The following SEMA6A variants were observed in gnomAD, a reference collection of about 807,000 sequenced individuals.
SEMA6A encodes semaphorin 6A, also known as semaphorin-6A.
Under a neutral mutation model 96.8 loss-of-function variants are expected in SEMA6A, and 25 were observed. The ratio of observed to expected loss-of-function variants is 0.26; its 90% confidence interval spans 0.19 to 0.36. The LOEUF (loss-of-function observed/expected upper bound fraction) is 0.36. Among genes scored for constraint, SEMA6A ranks in the 10% least tolerant of loss-of-function variants. SEMA6A has a pLI of 1.00. For synonymous variants in SEMA6A, 612 were observed against 518.0 expected, an observed-to-expected ratio of 1.18 and a Z score of -2.46; for missense variants, 1,363 against 1,323.1, an observed-to-expected ratio of 1.03 and a Z score of -0.47.
intron 17 of SEMA6A, chr5:116,469,576 G>A (rs1398289234): frequency 6.6e-6 from 1 of 152,130 alleles, no homozygotes; most frequent in African/African-American, 2.4e-5. Context: ...AGAAAGTGGG[G>A]AAGAATAAAA....
chr5:116,474,696 A>G (rs548166405), intron 16 of SEMA6A, among the ~76,000 whole-genome samples: 1 of 152,334 alleles, frequency 6.6e-6, no homozygotes, highest in East Asian at 1.9e-4. Flanking sequence ...GACTTCCGTT[A>G]TAGAATCAAA....
At chr5:116,498,705 G>C (rs952660702) in intron 3 of SEMA6A, 2 of 152,130 alleles carry the variant, frequency 1.3e-5, no homozygotes, top group African/African-American at 2.4e-5. Flanking sequence ...TAATTTCAAG[G>C]CAGTTTTATT....
chr5:116,544,548 C>G (rs1198305331), intron 1 of SEMA6A, among the ~76,000 whole-genome samples: 2 of 152,070 alleles, frequency 1.3e-5, no homozygotes, highest in African/African-American at 4.8e-5. Context: ...ATCCTCCCGT[C>G]TCAGCTTACC....
intron 1 of SEMA6A, among the ~76,000 whole-genome samples, chr5:116,535,904 C>G (rs998905080): frequency 3.3e-5 from 5 of 152,236 alleles, no homozygotes; most frequent in East Asian, 1.9e-4. Flanking sequence ...TTTTGCGTAG[C>G]CTTTTAGTTT....
chr5:116,465,429 CACA>C (rs1031901578), intron 18 of SEMA6A, among the ~76,000 whole-genome samples: 9 of 152,116 alleles, frequency 5.9e-5, no homozygotes, highest in Non-Finnish European at 8.8e-5. Context: ...AAAATTTCTG[CACA>C]ACAACTCATT....
intron 1 of SEMA6A, among the ~76,000 whole-genome samples, chr5:116,556,629 C>T (rs935173082): frequency 6.6e-6 from 1 of 152,132 alleles, no homozygotes; most frequent in African/African-American, 2.4e-5. Flanking sequence ...GAATAGCAAC[C>T]TCCAGAGCCC....
chr5:116,569,882 G>A (rs1315319483), intron 1 of SEMA6A, among the ~76,000 whole-genome samples: 1 of 152,188 alleles, frequency 6.6e-6, no homozygotes, highest in African/African-American at 2.4e-5. Flanking sequence ...GTCTATTCAG[G>A]AGGAGCTACC....
At chr5:116,471,250 T>G (rs1280455663) in intron 17 of SEMA6A, 2 of 152,132 alleles carry the variant, frequency 1.3e-5, no homozygotes, top group African/African-American at 4.8e-5. Context: ...ACGGAAGCAT[T>G]AATAAGTAAG....
chr5:116,556,622 T>C (rs925208532), intron 1 of SEMA6A, among the ~76,000 whole-genome samples: 23 of 152,188 alleles, frequency 1.5e-4, no homozygotes, highest in African/African-American at 5.3e-4. Context: ...GCCAATAGAA[T>C]AGCAACCTCC....
chr5:116,531,198 G>A (rs1759456221), intron 1 of SEMA6A, among the ~76,000 whole-genome samples: 1 of 151,882 alleles, frequency 6.6e-6, no homozygotes, highest in Non-Finnish European at 1.5e-5. Context: ...GTTGGGGGAG[G>A]CGGTGGGGAT....
chr5:116,520,187 T>C (rs1181802680), intron 1 of SEMA6A, among the ~76,000 whole-genome samples: 4 of 152,008 alleles, frequency 2.6e-5, no homozygotes, highest in African/African-American at 9.7e-5. Flanking sequence ...GGAATGATCT[T>C]TCTTCCAAGA....
At chr5:116,533,786 G>A (rs73780325) in intron 1 of SEMA6A, among the ~76,000 whole-genome samples, 14,161 of 152,080 alleles carry the variant, frequency 0.093, 879 homozygotes, top group African/African-American at 0.18. Flanking sequence ...AAAGGTCCTG[G>A]GGCCAGCAGC....
chr5:116,478,756 G>C, intron 12 of SEMA6A, 38 bp from the exon 13 acceptor site: 2 of 1,596,286 alleles, frequency 1.3e-6, no homozygotes, highest in Non-Finnish European at 1.7e-6. Flanking sequence ...CTCTTTGTTG[G>C]TCTATCATTA....
At chr5:116,536,896 C>CAAAAAAAAAAAAAAAAAAAA (rs1344678482) in intron 1 of SEMA6A, among the ~76,000 whole-genome samples, 22 of 80,106 alleles carry the variant, frequency 2.7e-4, no homozygotes, top group African/African-American at 4.8e-4. Flanking sequence ...AAAAAAAAAG[C>CAAAAAAAAAAAAAAAAAAAA]AAAACTGGTG....
chr5:116,485,489 A>G (rs927029163), intron 10 of SEMA6A, among the ~76,000 whole-genome samples: 1 of 152,182 alleles, frequency 6.6e-6, no homozygotes, highest in Admixed American at 6.5e-5. Flanking sequence ...AAGCTTACTT[A>G]TATCTAACTG....
rs934332680 is a variant in SEMA6A at position 116,488,895 on chromosome 5, C to G, written c.648G>C (p.Trp216Cys). Residue 216 changes from tryptophan (W) to cysteine (C), a missense_variant, in exon 8 of 19, where the codon TGG (tryptophan) becomes TGC (cysteine). Trp to Cys is a radical substitution (Grantham distance 215). This residue lies in a region of SEMA6A where 480 missense variants were observed against 559.5 expected (regional missense o/e 0.86). Coordinates refer to ENST00000343348, the MANE Select transcript of SEMA6A (RefSeq NM_020796.5). Reference sequence around the variant, plus strand: ...TTTTAATTGTTTGTTCACCTTTCAACCATTTTGAATCGTGCTTGACGGTCC... The same window carrying G: ...TTTTAATTGTTTGTTCACCTTTCAAGCATTTTGAATCGTGCTTGACGGTCC... ...TLRTVKHDSK[W>C]LKEPYFVQAV... The G allele has an allele frequency of 6.4e-7, 1 of 1,571,260 alleles. No individual in the cohort carries two copies. Among genetic ancestry groups the G allele is most frequent in the African/African-American group, 1.3e-5 (1 of 74,268 alleles).
At chr5:116,559,782 C>T (rs1760749545) in intron 1 of SEMA6A, among the ~76,000 whole-genome samples, 1 of 152,212 alleles carries the variant, frequency 6.6e-6, no homozygotes, top group South Asian at 2.1e-4. Context: ...ACTCCTTCCC[C>T]TCCCTTACCC....
chr5:116,560,599 A>G (rs1760783238), intron 1 of SEMA6A, among the ~76,000 whole-genome samples: 2 of 152,032 alleles, frequency 1.3e-5, no homozygotes, highest in African/African-American at 4.8e-5. Flanking sequence ...TGCAAGCCCC[A>G]GGAGGATATT....
At chr5:116,494,154 A>C (rs570250095) in intron 6 of SEMA6A, among the ~76,000 whole-genome samples, 142 of 152,102 alleles carry the variant, frequency 9.3e-4, no homozygotes, top group Non-Finnish European at 1.5e-3. Flanking sequence ...GGCTATCTAC[A>C]TCTCCAGTTT....
Sources: gnomAD v4.1 joint callset for allele counts (sites outside exome capture counted in the v4.1 genomes callset) on GRCh38, gnomAD v4.1.1 for gene constraint, gnomAD v4.1.1 regional missense constraint, MANE v1.5 for transcripts, NCBI Gene and HGNC (gene_info 2026-07-23, HGNC 2026-07-21) for gene names.